SEC14L3: variants seen among roughly 807,000 people sequenced by gnomAD.
SEC14L3 encodes SEC14 like lipid binding 3, also known as SEC14-like protein 3.
Under a neutral mutation model 57.4 loss-of-function variants are expected in SEC14L3, and 56 were observed. The observed-to-expected ratio is 0.97, with a 90% CI of 0.79 to 1.22. The LOEUF (loss-of-function observed/expected upper bound fraction) is 1.22, where lower values mean the gene tolerates loss of function less well. Ranked by LOEUF, SEC14L3 falls within the 50% of genes most tolerant of loss-of-function variation. SEC14L3 has a pLI of 0.00. For missense variants in SEC14L3, 485 were observed against 511.7 expected (o/e 0.95, Z 0.50); for synonymous variants, 173 against 194.4 (o/e 0.89, Z 0.92).
chr22:30,454,482 C>G (rs1423208721), downstream of SEC14L3, among the ~76,000 whole-genome samples: 2 of 140,430 alleles, frequency 1.4e-5, no homozygotes, highest in Non-Finnish European at 3.0e-5. Flanking sequence ...TCTATATAAT[C>G]TATAATAATA....
chr22:30,470,070 C>T lies in SEC14L3; in HGVS notation c.183G>A (p.Glu61=). ...KSEALLRKYM[E]FRKTMDIDHI... ...GGTCAATATCCATGGTCTTCCGGAA[C>T]TCCATGTACTGAAAGGGAAATGAGT... is the stretch of plus-strand genomic sequence containing the variant. The change falls in exon 4 of 12, where the codon GAG becomes GAA. Residue 61 remains glutamate (E), a synonymous_variant. Transcript: ENST00000215812. 6 of 1,600,074 alleles carry T rather than the reference C, an allele frequency of 3.7e-6. No individual in the cohort carries two copies. Among genetic ancestry groups the T allele is most frequent in the Non-Finnish European group, 5.1e-6 (6 of 1,172,306 alleles).
chr22:30,464,893 C>G lies in SEC14L3; in HGVS notation c.591G>C (p.Leu197=). ...TCATGAGGTTGTAGCCCACAGGGAA[C>G]AGTTTGGTAGCTGGAGAGATAGAAG... is the stretch of plus-strand genomic sequence containing the variant. ...KFMLIVKATK[L]FPVGYNLMKP... Residue 197 remains leucine (L), a synonymous_variant, in exon 8 of 12, where the codon CTG becomes CTC. Transcript: ENST00000215812. 2 of 1,613,936 alleles carry G rather than the reference C, an allele frequency of 1.2e-6. No individual in the cohort carries two copies. Among genetic ancestry groups the G allele is most frequent in the Non-Finnish European group, 1.7e-6 (2 of 1,179,822 alleles).
chr22:30,467,161 G>C, intron 5 of SEC14L3, 84 bp from the exon 6 acceptor site: 1 of 1,584,732 alleles, frequency 6.3e-7, no homozygotes, highest in South Asian at 1.1e-5. Flanking sequence ...ACCCCTTGGG[G>C]CTTCTTCTAG....
downstream of SEC14L3, among the ~76,000 whole-genome samples, chr22:30,455,156 T>C (rs1601810884): frequency 8.9e-6 from 1 of 111,914 alleles, no homozygotes; most frequent in African/African-American, 3.6e-5. Flanking sequence ...ATATATTATA[T>C]TTAATATTTA....
intron 8 of SEC14L3, among the ~76,000 whole-genome samples, chr22:30,464,372 T>C (rs531534611): frequency 2.0e-5 from 3 of 152,316 alleles, no homozygotes; most frequent in Admixed American, 6.5e-5. Flanking sequence ...AAGGTAACAC[T>C]CTTTAGGGTA....
At chr22:30,464,735 G>T in intron 8 of SEC14L3, 85 bp downstream of exon 8, 1 of 1,240,108 alleles carries the variant, frequency 8.1e-7, no homozygotes, top group Non-Finnish European at 1.2e-6. Context: ...CCAACCTAAT[G>T]TGTGGAGTTC....
downstream of SEC14L3, among the ~76,000 whole-genome samples, chr22:30,455,265 A>ATAATATATTATATATAATATAT (rs1935102181): frequency 7.4e-6 from 1 of 134,638 alleles, no homozygotes; most frequent in Non-Finnish European, 1.5e-5. Flanking sequence ...TATATTATAT[A>ATAATATATTATATATAATATAT]TATTTGAGAC....
At chr22:30,447,721 C>T (rs1934904764), downstream of SEC14L3, among the ~76,000 whole-genome samples, 1 of 152,130 alleles carries the variant, frequency 6.6e-6, no homozygotes, top group African/African-American at 2.4e-5. Context: ...GTTAGTAAAT[C>T]CATCGTGAGT....
In SEC14L3 at chr22:30,449,321, A is replaced by G. The variant is rs1601805161; in HGVS notation, c.905-77T>C. On this transcript the variant is annotated intron_variant, in intron 12 of 12. Transcript: ENST00000403066. ...AATCCTGAACTCCAGAGGGTCACCA[A>G]TACTAAGGCATATGCTAAGTTAGTG... The G allele has an allele frequency of 6.6e-6, 10 of 1,518,562 alleles. No individual in the cohort carries two copies. The East Asian group carries it at 2.5e-4, about 37-fold the overall frequency. The allele number at this position is 1,518,562 out of a possible 1,614,324, so 94.1% of individuals were successfully genotyped here.
intron 8 of SEC14L3, 33 bp downstream of exon 8, chr22:30,464,787 T>C (rs1935366151): frequency 1.2e-6 from 2 of 1,606,370 alleles, no homozygotes; most frequent in South Asian, 2.2e-5. Flanking sequence ...AGGTCATGTA[T>C]AGAGGTCAGG....
At chr22:30,455,197 A>ATT (rs1406466873), downstream of SEC14L3, among the ~76,000 whole-genome samples, 7 of 123,666 alleles carry the variant, frequency 5.7e-5, no homozygotes, top group South Asian at 4.5e-4. Context: ...AATATATAAT[A>ATT]TAAATTAATA....
At chr22:30,462,260 C>A (rs1458548654) in intron 8 of SEC14L3, 68 bp from the exon 9 acceptor site, 27 of 1,524,124 alleles carry the variant, frequency 1.8e-5, no homozygotes, top group African/African-American at 2.7e-5. Context: ...CCACACCCAC[C>A]AGGATGACCT....
At position 30,452,144 on chromosome 22, in the gene SEC14L3, C is replaced by G. The variant is rs76187555; in HGVS notation, c.905-2900G>C. ...GTGACGTTGTAGCCTGAATTTCCAC[C>G]GCGTGTTTCATACTAATGCCCCTTA... On this transcript the variant is annotated intron_variant, in intron 12 of 12. Transcript: ENST00000403066. 2.0e-5 allele frequency among the ~76,000 whole-genome samples: 3 copies of G among 151,832 alleles called. No homozygotes were observed. The South Asian group carries it at 6.2e-4, about 32-fold the overall frequency.
intron 5 of SEC14L3, 131 bp downstream of exon 5, chr22:30,468,377 C>T: frequency 1.6e-6 from 1 of 626,666 alleles, no homozygotes; most frequent in Non-Finnish European, 2.8e-6. Flanking sequence ...AGCTGGTAAG[C>T]AACAGAGCTG....
Position 30,461,294 on chromosome 22 carries a change from G to C in SEC14L3, c.1081+16C>G, listed in dbSNP as rs535520895. The C allele has an allele frequency of 1.5e-5, 24 of 1,562,240 alleles. No homozygotes were observed. In the African/African-American group the frequency reaches 2.7e-4, roughly 18 times the overall value. Reference sequence around the variant, plus strand: ...TCTAGCCTTTCAGAGCCAGGTCCCAGCTGGGGCAGACTTACAGACGCCGGC... The same window carrying C: ...TCTAGCCTTTCAGAGCCAGGTCCCACCTGGGGCAGACTTACAGACGCCGGC... On this transcript the variant is annotated intron_variant, in intron 11 of 11. Transcript: ENST00000215812.
At chr22:30,470,660 C>A (rs938573841) in intron 1 of SEC14L3, 78 bp from the exon 2 acceptor site, 2 of 1,593,790 alleles carry the variant, frequency 1.3e-6, no homozygotes, top group Non-Finnish European at 1.7e-6. Context: ...GTTTTCACAA[C>A]CTCTCCTTTC....
In SEC14L3 at chr22:30,470,476, T is replaced by A. The variant is rs771199115; in HGVS notation, c.130+31A>T. 10 of 1,613,226 alleles carry A rather than the reference T, an allele frequency of 6.2e-6. No homozygotes were observed. The East Asian group carries it at 2.0e-4, about 32-fold the overall frequency. The stretch of plus-strand genomic sequence containing the variant: ...AGACCAGGCCCCTCTTGATGCCCCC[T>A]GATCCCAACCTCTCCCACCTCTGCC... On this transcript the variant is annotated intron_variant, in intron 2 of 11. Transcript: ENST00000215812.
rs971551203 is a variant in SEC14L3, at chr22:30,448,845, T to G, written c.*242A>C. The G allele has an allele frequency of 1.1e-5, 5 of 463,156 alleles. No homozygotes were observed. In the East Asian group the frequency reaches 1.8e-4, roughly 16 times the overall value. The allele number at this position is 463,156 out of a possible 1,614,324, so 28.7% of individuals were successfully genotyped here. ...AGCTCAAGGTTGCAGTGAGCTATGA[T>G]CGCACCACTGCACTCCAGCCTGGGC... On this transcript the variant is annotated 3_prime_UTR_variant, in exon 13 of 13. Transcript: ENST00000403066.
In SEC14L3 at chr22:30,459,235, T is replaced by C; in HGVS notation, c.*786A>G. On this transcript the variant is annotated 3_prime_UTR_variant, in exon 12 of 12. Coordinates refer to ENST00000215812, the MANE Select transcript of SEC14L3 (RefSeq NM_174975.5). ...ACAGAGAGCACTCGCCAAATGATAGTTGTTTTCTTTATTATGATTATGCCA... is the reference window on the plus strand; with the variant it reads ...ACAGAGAGCACTCGCCAAATGATAGCTGTTTTCTTTATTATGATTATGCCA... 1 of 981,818 alleles carries C rather than the reference T, an allele frequency of 1.0e-6. No homozygotes were observed. The highest frequency in any genetic ancestry group is 1.7e-5 in the African/African-American group (1 of 57,254). The allele number at this position is 981,818 out of a possible 1,614,324, so 60.8% of individuals were successfully genotyped here. A position where few individuals can be genotyped will look rare whatever the true frequency, so the allele number is the denominator to read the frequency against.
Sources: gnomAD v4.1 joint callset for allele counts (sites outside exome capture counted in the v4.1 genomes callset) on GRCh38, gnomAD v4.1.1 for gene constraint, MANE v1.5 for transcripts, NCBI Gene and HGNC (gene_info 2026-07-23, HGNC 2026-07-21) for gene names.